LACTB: variants seen among roughly 807,000 people sequenced by gnomAD.
LACTB encodes lactamase beta.
In LACTB, 35 loss-of-function variants were observed where a neutral mutation model predicts 50.2. That is an observed-to-expected ratio of 0.70 (90% CI 0.53 to 0.92). The LOEUF (loss-of-function observed/expected upper bound fraction) is 0.92. Among genes scored for constraint, LACTB ranks in the 40% least tolerant of loss-of-function variants. LACTB has a pLI of 0.00. For missense variants in LACTB, 664 were observed against 691.8 expected (o/e 0.96, Z 0.45); for synonymous variants, 252 against 268.2 (o/e 0.94, Z 0.59).
chr15:63,130,968 C>G (rs2037124320), intron 5 of LACTB: 1 of 152,194 alleles, frequency 6.6e-6, no homozygotes, highest in Admixed American at 6.5e-5. Context: ...ATTCCATCAT[C>G]CATTCTGTAT....
intron 5 of LACTB, among the ~76,000 whole-genome samples, chr15:63,135,659 C>T (rs2037169204): frequency 6.6e-6 from 1 of 152,190 alleles, no homozygotes; most frequent in East Asian, 1.9e-4. Flanking sequence ...GTTGATGCCG[C>T]AGTGAGCTGT....
At chr15:63,125,179 A>ATT (rs10625255) in intron 2 of LACTB, among the ~76,000 whole-genome samples, 21,431 of 147,814 alleles carry the variant, frequency 0.14, 1,760 homozygotes, top group Admixed American at 0.26. Flanking sequence ...TTATTTATTT[A>ATT]TTTTTTTTTT....
chr15:63,128,060 C>T (rs2037077953), intron 4 of LACTB, among the ~76,000 whole-genome samples: 1 of 152,078 alleles, frequency 6.6e-6, no homozygotes, highest in Admixed American at 6.5e-5. Context: ...TATTTTGTGC[C>T]TTTATTTCTT....
chr15:63,140,082 A>G (rs1175032827), intron 5 of LACTB, among the ~76,000 whole-genome samples: 2 of 152,194 alleles, frequency 1.3e-5, no homozygotes, highest in African/African-American at 4.8e-5. Context: ...AGTCCAGCCT[A>G]GGCAATAGTG....
Position 63,127,399 on chromosome 15 carries a change from G to A in LACTB, c.662G>A (p.Arg221His), listed in dbSNP as rs142422927. 9.5e-6 allele frequency: 15 copies of A among 1,584,694 alleles called. No individual in the cohort carries two copies. The highest frequency in any genetic ancestry group is 4.1e-5 in the African/African-American group (3 of 72,900). The change falls in exon 4 of 6, where the codon CGT (arginine) becomes CAT (histidine). Residue 221 changes from arginine (R) to histidine (H), a missense_variant. Arg to His is a conservative substitution (Grantham distance 29). Transcript: ENST00000261893. Reference protein sequence around the residue: ...RLLISHLSGIRHYEKDIKKVK... With the variant: ...RLLISHLSGIHHYEKDIKKVK... ...CTGATTTCCCATTTAAGTGGAATTC[G>A]TCATTATGAAAAGGACATAAAAAAG...
intron 5 of LACTB, among the ~76,000 whole-genome samples, chr15:63,135,209 A>G (rs748519530): frequency 1.3e-5 from 2 of 152,112 alleles, no homozygotes; most frequent in African/African-American, 2.4e-5. Context: ...TCTTATCTAC[A>G]TACTAGTTTT....
intron 5 of LACTB, chr15:63,131,471 A>G (rs769897495): frequency 6.6e-6 from 1 of 152,198 alleles, no homozygotes; most frequent in African/African-American, 2.4e-5. Flanking sequence ...TTGCTTACCT[A>G]TATGTGTATT....
chr15:63,126,713 G>A (rs2037057543), intron 2 of LACTB, 146 bp from the exon 3 acceptor site: 1 of 448,438 alleles, frequency 2.2e-6, no homozygotes, highest in Non-Finnish European at 4.0e-6. Flanking sequence ...TCCTTTACAT[G>A]TCCAGTGTTA....
chr15:63,122,330 G>A, intron 1 of LACTB, 102 bp downstream of exon 1: 1 of 1,003,198 alleles, frequency 1.0e-6, no homozygotes, highest in Non-Finnish European at 1.4e-6. Flanking sequence ...CGGGGTGCCC[G>A]CGATCGGCTT....
intron 5 of LACTB, among the ~76,000 whole-genome samples, chr15:63,140,705 T>G (rs937400243): frequency 3.3e-5 from 5 of 152,180 alleles, no homozygotes; most frequent in African/African-American, 1.2e-4. Flanking sequence ...GGACTCAAAC[T>G]CCTGGGCTCA....
chr15:63,135,226 T>C (rs910686509), intron 5 of LACTB, among the ~76,000 whole-genome samples: 7 of 152,222 alleles, frequency 4.6e-5, no homozygotes, highest in African/African-American at 1.4e-4. Context: ...TTTTGTTCAA[T>C]CTTCTGTTGT....
intron 2 of LACTB, among the ~76,000 whole-genome samples, chr15:63,126,308 A>T (rs2037053421): frequency 6.6e-6 from 1 of 152,018 alleles, no homozygotes; most frequent in Non-Finnish European, 1.5e-5. Flanking sequence ...TGACTGGCCA[A>T]TTTTTGTATT....
chr15:63,132,590 G>C (rs1334317018), intron 5 of LACTB, among the ~76,000 whole-genome samples: 2 of 152,160 alleles, frequency 1.3e-5, no homozygotes, highest in Non-Finnish European at 2.9e-5. Context: ...GGCTGAAGCA[G>C]GTGGATTGTC....
intron 2 of LACTB, among the ~76,000 whole-genome samples, chr15:63,124,861 C>G (rs1031329041): frequency 6.6e-6 from 1 of 151,848 alleles, no homozygotes; most frequent in Admixed American, 6.6e-5. Context: ...GGCCAGGATA[C>G]GAGAATCGCT....
chr15:63,122,440 C>A (rs2036987575), intron 1 of LACTB, 196 bp from the exon 2 acceptor site: 4 of 679,378 alleles, frequency 5.9e-6, no homozygotes, highest in Non-Finnish European at 1.0e-5. Flanking sequence ...TCGGGGACCG[C>A]CCCTTCCCCC....
intron 2 of LACTB, 83 bp downstream of exon 2, chr15:63,122,785 A>G: frequency 1.1e-6 from 1 of 900,150 alleles, no homozygotes; most frequent in Non-Finnish European, 1.8e-6. Context: ...ATCCCATGAA[A>G]TGCTATTGCA....
At chr15:63,140,066 C>T (rs72747068) in intron 5 of LACTB, among the ~76,000 whole-genome samples, 5,389 of 152,062 alleles carry the variant, frequency 0.035, 133 homozygotes, top group South Asian at 0.088. Flanking sequence ...ATGATTGTAC[C>T]GCTGCAGTCC....
At chr15:63,135,172 T>C (rs957561228) in intron 5 of LACTB, among the ~76,000 whole-genome samples, 1 of 152,222 alleles carries the variant, frequency 6.6e-6, no homozygotes. Context: ...ATGGTGGCTT[T>C]TTTTGGAAAA....
intron 2 of LACTB, 105 bp downstream of exon 2, chr15:63,122,807 C>A: frequency 1.3e-6 from 1 of 766,206 alleles, no homozygotes; most frequent in Non-Finnish European, 2.3e-6. Context: ...TTACATAAAA[C>A]GATGCATATT....
Sources: allele counts gnomAD v4.1 joint callset (sites outside exome capture counted in the v4.1 genomes callset), GRCh38; gene constraint gnomAD v4.1.1; transcripts MANE v1.5; gene names NCBI Gene and HGNC (gene_info 2026-07-23, HGNC 2026-07-21).